Variants in ERI1 observed in about 807,000 individuals in gnomAD.
ERI1 encodes the protein exoribonuclease 1.
A neutral mutation model predicts 39.7 loss-of-function variants in ERI1; 39 were observed. The ratio of observed to expected loss-of-function variants is 0.98; its 90% CI spans 0.76 to 1.28. ERI1 has a LOEUF of 1.28. Ranked by LOEUF, ERI1 falls within the 50% of genes most tolerant of loss-of-function variation. ERI1 has a pLI of 0.00. For missense variants in ERI1, 581 were observed against 416.9 expected, an observed-to-expected ratio of 1.39 and a Z score of -3.43; for synonymous variants, 204 against 149.6, an observed-to-expected ratio of 1.36 and a Z score of -2.65.
intron 3 of ERI1, among the ~76,000 whole-genome samples, chr8:9,038,987 G>C (rs943811705): frequency 1.3e-5 from 2 of 152,128 alleles, no homozygotes; most frequent in Admixed American, 6.5e-5. Flanking sequence ...TCATTCTTCA[G>C]CTGACAGCAT....
At chr8:9,082,949 G>T in intron 3 of ERI1, among the ~76,000 whole-genome samples, 1 of 152,108 alleles carries the variant, frequency 6.6e-6, no homozygotes, top group South Asian at 2.1e-4. Context: ...ATAAAATATG[G>T]AATATCTACC....
intron 3 of ERI1, among the ~76,000 whole-genome samples, chr8:9,059,607 G>C (rs1023295951): frequency 6.6e-6 from 1 of 152,148 alleles, no homozygotes; most frequent in African/African-American, 2.4e-5. Flanking sequence ...AATAAGACAA[G>C]GAGAAAAACA....
In ERI1 at chr8:9,087,831, C is replaced by T. The variant is rs534359994; in HGVS notation, n.300-28517C>T. Among the ~76,000 whole-genome samples the T allele has an allele frequency of 1.5e-3, 225 of 152,296 alleles. 1 individual carries two copies. Among genetic ancestry groups the T allele is most frequent in the Middle Eastern group, 0.014 (4 of 294 alleles). ...GGGGCAGATTCAGGTAGGGACAACA[C>T]ATTAAGGACCCCTTGCTTCTTCCTC... On this transcript the variant is annotated intron_variant and non_coding_transcript_variant, in intron 3 of 3. Transcript: ENST00000518663.
At chr8:9,042,985 A>G (rs1286249503) in intron 3 of ERI1, among the ~76,000 whole-genome samples, 1 of 152,194 alleles carries the variant, frequency 6.6e-6, no homozygotes, top group African/African-American at 2.4e-5. Flanking sequence ...TCTGGAGAAG[A>G]AAGGTGTGGC....
In ERI1 at chr8:9,029,873, G is replaced by A. The variant is rs1797461882; in HGVS notation, c.889G>A (p.Asp297Asn). Residue 297 changes from aspartate to asparagine, a missense_variant, in exon 7 of 7, where the codon GAT becomes AAT. Asp to Asn is a conservative substitution (Grantham distance 23). Transcript: ENST00000250263. Reference protein sequence around the residue: ...DYDGRPHCGLDDSKNIARIAV... With the variant: ...DYDGRPHCGLNDSKNIARIAV... The stretch of plus-strand genomic sequence containing the variant: ...TGATGGGCGGCCTCACTGTGGTCTT[G>A]ATGACTCTAAGAATATCGCCCGAAT... The A allele has an allele frequency of 6.2e-7, 1 of 1,614,052 alleles. No homozygotes were observed. The highest frequency in any genetic ancestry group is 1.7e-5 in the Admixed American group (1 of 59,998).
chr8:9,080,199 C>G (rs569238119), intron 3 of ERI1, among the ~76,000 whole-genome samples: 23 of 152,234 alleles, frequency 1.5e-4, no homozygotes, highest in Non-Finnish European at 4.4e-5. Context: ...GGGAGTAGGA[C>G]GTGATTGCTG....
chr8:9,033,958 A>G (rs112792378), downstream of ERI1, among the ~76,000 whole-genome samples: 142 of 152,384 alleles, frequency 9.3e-4, no homozygotes, highest in African/African-American at 3.2e-3. Flanking sequence ...ACAATATAAA[A>G]TACTGTTAAC....
chr8:9,034,348 A>G (rs892301346), downstream of ERI1, among the ~76,000 whole-genome samples: 5 of 152,140 alleles, frequency 3.3e-5, no homozygotes, highest in Non-Finnish European at 7.4e-5. Context: ...CGCAGATACT[A>G]TTTTGTTTTG....
At chr8:9,057,595 A>G (rs1301072504) in intron 3 of ERI1, among the ~76,000 whole-genome samples, 1 of 152,232 alleles carries the variant, frequency 6.6e-6, no homozygotes, top group Non-Finnish European at 1.5e-5. Flanking sequence ...TGAGCCAGAC[A>G]CTATTTTAGG....
downstream of ERI1, among the ~76,000 whole-genome samples, chr8:9,034,960 T>TA (rs143577429): frequency 6.6e-6 from 1 of 152,170 alleles, no homozygotes; most frequent in Admixed American, 6.5e-5. Flanking sequence ...GTGGTGTGGA[T>TA]AAAAAATCAA....
downstream of ERI1, among the ~76,000 whole-genome samples, chr8:9,036,089 CTTGAGATGG>C (rs1797836183): frequency 6.6e-6 from 1 of 152,160 alleles, no homozygotes; most frequent in Non-Finnish European, 1.5e-5. Flanking sequence ...AAAGTGATTT[CTTGAGATGG>C]AATCTATTCC....
chr8:9,012,161 CT>C (rs1201844891), intron 3 of ERI1, among the ~76,000 whole-genome samples: 2 of 152,126 alleles, frequency 1.3e-5, no homozygotes, highest in African/African-American at 4.8e-5. Context: ...TGCGGTCAGG[CT>C]TGATAACCAC....
chr8:9,067,367 T>G, intron 3 of ERI1, among the ~76,000 whole-genome samples: 1 of 143,742 alleles, frequency 7.0e-6, no homozygotes. Flanking sequence ...GGGATTTCAT[T>G]TTTAACCTGT....
intron 3 of ERI1, among the ~76,000 whole-genome samples, chr8:9,071,912 A>G (rs1271097528): frequency 6.6e-6 from 1 of 152,118 alleles, no homozygotes; most frequent in Non-Finnish European, 1.5e-5. Context: ...CAAAAGACAA[A>G]CAAAATTAGC....
At position 9,018,308 on chromosome 8, in the gene ERI1, C is replaced by T; in HGVS notation, c.594C>T (p.Asp198=). 1 of 1,607,628 alleles carries T rather than the reference C, an allele frequency of 6.2e-7. No individual in the cohort carries two copies. The highest frequency in any genetic ancestry group is 8.5e-7 in the Non-Finnish European group (1 of 1,174,970). Residue 198 remains aspartate (D), a synonymous_variant, in exon 5 of 7, where the codon GAC becomes GAT. Transcript: ENST00000250263. ...SLTGITQDQV[D]RADTFPQVLK... is the part of the protein sequence containing the mutation. ...TTTTATATCCTCAGGATCAGGTAGACAGAGCTGATACCTTCCCTCAGGTAC... is the reference window on the plus strand; with the variant it reads ...TTTTATATCCTCAGGATCAGGTAGATAGAGCTGATACCTTCCCTCAGGTAC...
At chr8:9,025,999 A>G (rs1480641113) in intron 6 of ERI1, among the ~76,000 whole-genome samples, 1 of 152,188 alleles carries the variant, frequency 6.6e-6, no homozygotes, top group Non-Finnish European at 1.5e-5. Context: ...TCACTGTCTC[A>G]GCCACTGATA....
chr8:9,094,344 A>G (rs566840441), intron 3 of ERI1, among the ~76,000 whole-genome samples: 12 of 152,218 alleles, frequency 7.9e-5, no homozygotes, highest in Non-Finnish European at 1.6e-4. Flanking sequence ...CTTGGGCAGC[A>G]TTCCAAAAGC....
chr8:9,004,758 C>G (rs933072456), intron 1 of ERI1, among the ~76,000 whole-genome samples: 3 of 10,384 alleles, frequency 2.9e-4, no homozygotes, highest in African/African-American at 8.9e-4. Context: ...ATGGTCTCAG[C>G]TTACTGCAAC....
chr8:9,040,943 C>T (rs895645498), intron 3 of ERI1, among the ~76,000 whole-genome samples: 1 of 152,118 alleles, frequency 6.6e-6, no homozygotes, highest in Non-Finnish European at 1.5e-5. Context: ...TTATTCCCAC[C>T]TCGGTCTAGT....
Sources: gnomAD v4.1 joint callset for allele counts (sites outside exome capture counted in the v4.1 genomes callset) on GRCh38, gnomAD v4.1.1 for gene constraint, MANE v1.5 for transcripts, NCBI Gene and HGNC (gene_info 2026-07-23, HGNC 2026-07-21) for gene names.